Variants in KIRREL3 observed in about 807,000 individuals in gnomAD.
KIRREL3 encodes the protein kirre like nephrin family adhesion molecule 3.
Under a neutral mutation model 89.7 loss-of-function variants are expected in KIRREL3, and 36 were observed. That is an observed-to-expected ratio of 0.40 (90% CI 0.31 to 0.53). The LOEUF is 0.53. KIRREL3 is among the 20% of genes least tolerant of loss of function. The pLI is 0.49. For synonymous variants in KIRREL3, 445 were observed against 441.4 expected, an observed-to-expected ratio of 1.01 and a Z score of -0.10; for missense variants, 864 against 1,056.6, an observed-to-expected ratio of 0.82 and a Z score of 2.53.
At position 126,463,364 on chromosome 11, in the gene KIRREL3, GC is replaced by G. The variant is rs1243319827; in HGVS notation, c.592-58del. 7 of 1,562,490 alleles carry G rather than the reference GC, an allele frequency of 4.5e-6. No homozygotes were observed. In the African/African-American group the frequency reaches 8.1e-5, roughly 18 times the overall value. On this transcript the variant is annotated intron_variant, in intron 5 of 16. Coordinates refer to ENST00000525144, the MANE Select transcript of KIRREL3 (RefSeq NM_032531.4). This position sits in a 1 kb window ranked among gnomAD's most constrained non-coding sequence, Gnocchi z 5.9. ...CCATGTCGCTTGGCTGGGGTGGCCAGCCTGGGTTGGGGGTAAACGAGCACCA... is the reference window on the plus strand; with the variant it reads ...CCATGTCGCTTGGCTGGGGTGGCCAGCTGGGTTGGGGGTAAACGAGCACCA...
At position 126,812,235 on chromosome 11, in the gene KIRREL3, C is replaced by T. The variant is rs1036745754; in HGVS notation, c.55+188220G>A. Among the ~76,000 whole-genome samples, 1 of 151,962 alleles carries T rather than the reference C, an allele frequency of 6.6e-6. No homozygotes were observed. The highest frequency in any genetic ancestry group is 2.4e-5 in the African/African-American group (1 of 41,352). ...TTTCCTTACTTTGGAACTTTGGGGTCCTTAGGATAGCGCTGTGTATATGGC... is the reference window on the plus strand; with the variant it reads ...TTTCCTTACTTTGGAACTTTGGGGTTCTTAGGATAGCGCTGTGTATATGGC... On this transcript the variant is annotated intron_variant, in intron 1 of 16. Transcript: ENST00000525144. This position sits in a 1 kb window ranked among gnomAD's most constrained non-coding sequence, Gnocchi z 5.2.
Position 126,526,394 on chromosome 11 carries a change from C to G in KIRREL3, c.283+144G>C. The G allele has an allele frequency of 1.2e-6, 1 of 802,832 alleles. No individual in the cohort carries two copies. Among genetic ancestry groups the G allele is most frequent in the South Asian group, 1.8e-5 (1 of 54,466 alleles). The allele number at this position is 802,832 out of a possible 1,614,324, so 49.7% of individuals were successfully genotyped here. ...GATGCTGGGTGCAGTGCTTGCCTAG[C>G]CTGACTCTGCCTGAGGAGTTGCAGT... is the stretch of plus-strand genomic sequence containing the variant. On this transcript the variant is annotated intron_variant, in intron 3 of 16. Coordinates refer to ENST00000525144, the MANE Select transcript of KIRREL3 (RefSeq NM_032531.4). The surrounding 1 kb of genome is among the most constrained non-coding windows in gnomAD (Gnocchi z 5.7).
Position 126,424,675 on chromosome 11 carries a change from T to C in KIRREL3, c.2242A>G (p.Lys748Glu). 6.2e-7 allele frequency: 1 copy of C among 1,614,018 alleles called. No homozygotes were observed. The highest frequency in any genetic ancestry group is 8.5e-7 in the Non-Finnish European group (1 of 1,179,890). Residue 748 changes from lysine to glutamate, a missense_variant, in exon 17 of 17, where the codon AAG becomes GAG. Coordinates refer to ENST00000525144, the MANE Select transcript of KIRREL3 (RefSeq NM_032531.4). ...TGGTGGGAGGAGGAAGCAGAAGCCT[T>C]GCTGGCCTTGTCGAACTGCACATAG... The part of the protein sequence containing the change: ...DGYVQFDKAS[K>E]ASASSSHHSQ...
At chr11:126,888,479 C>A (rs1194909774) in intron 1 of KIRREL3, among the ~76,000 whole-genome samples, 1 of 152,172 alleles carries the variant, frequency 6.6e-6, no homozygotes, top group African/African-American at 2.4e-5. Flanking sequence ...GTCTTGATCA[C>A]CACCCCACAC....
rs1041281846 is a variant in KIRREL3 at position 126,676,500 on chromosome 11, A to C, written c.56-113588T>G. ...CAGTGTTTCTCAAATTTGCACCTGCAGATGTTGTATTGTTTTGTTTTGTTT... is the reference window on the plus strand; with the variant it reads ...CAGTGTTTCTCAAATTTGCACCTGCCGATGTTGTATTGTTTTGTTTTGTTT... On this transcript the variant is annotated intron_variant, in intron 1 of 16. Transcript: ENST00000525144. This position sits in a 1 kb window ranked among gnomAD's most constrained non-coding sequence, Gnocchi z 4.5. Among the ~76,000 whole-genome samples the C allele has an allele frequency of 1.3e-5, 2 of 152,106 alleles. No individual in the cohort carries two copies. The highest frequency in any genetic ancestry group is 4.8e-5 in the African/African-American group (2 of 41,436).
At chr11:126,505,868 C>T (rs539513974) in intron 4 of KIRREL3, among the ~76,000 whole-genome samples, 1 of 152,284 alleles carries the variant, frequency 6.6e-6, no homozygotes, top group Admixed American at 6.5e-5. Flanking sequence ...GTTAAGGTGG[C>T]AATTAATTCT....
intron 6 of KIRREL3, 39 bp from the exon 7 acceptor site, chr11:126,456,493 A>G (rs1462531998): frequency 7.4e-7 from 1 of 1,354,312 alleles, no homozygotes; most frequent in African/African-American, 1.4e-5. Flanking sequence ...CCGGAGAAAG[A>G]ATGGGGGCAG....
intron 1 of KIRREL3, among the ~76,000 whole-genome samples, chr11:126,644,233 G>A (rs1944578291): frequency 1.3e-5 from 2 of 152,196 alleles, no homozygotes; most frequent in Non-Finnish European, 2.9e-5. Context: ...GTAGGCAGAA[G>A]GACGAAAAGC....
Position 126,635,703 on chromosome 11 carries a change from G to A in KIRREL3, c.56-72791C>T, listed in dbSNP as rs557810261. 3.2e-4 allele frequency among the ~76,000 whole-genome samples: 48 copies of A among 152,282 alleles called. No homozygotes were observed. Among genetic ancestry groups the A allele is most frequent in the Non-Finnish European group, 5.3e-4 (36 of 68,028 alleles). On this transcript the variant is annotated intron_variant, in intron 1 of 16. Coordinates refer to ENST00000525144, the MANE Select transcript of KIRREL3 (RefSeq NM_032531.4). This position sits in a 1 kb window ranked among gnomAD's most constrained non-coding sequence, Gnocchi z 4.0. ...ATCTGCTCACGTCATCAAAGCTCTTGAGGCCTCAGCTTCCTTATCTGTAAA... is the reference window on the plus strand; with the variant it reads ...ATCTGCTCACGTCATCAAAGCTCTTAAGGCCTCAGCTTCCTTATCTGTAAA...
At chr11:126,762,868 G>A (rs758768597) in intron 1 of KIRREL3, among the ~76,000 whole-genome samples, 17 of 152,178 alleles carry the variant, frequency 1.1e-4, no homozygotes, top group Non-Finnish European at 1.9e-4. Flanking sequence ...GTGGGGTCTC[G>A]AGCAAAACTC....
chr11:126,712,924 C>A (rs1178479578), intron 1 of KIRREL3, among the ~76,000 whole-genome samples: 1 of 152,172 alleles, frequency 6.6e-6, no homozygotes, highest in Non-Finnish European at 1.5e-5. Context: ...GCCTTCGAAG[C>A]TCTGGCGTGG....
At position 126,541,954 on chromosome 11, in the gene KIRREL3, G is replaced by A. The variant is rs936424899; in HGVS notation, c.134-15267C>T. On this transcript the variant is annotated intron_variant, in intron 2 of 16. Coordinates refer to ENST00000525144, the MANE Select transcript of KIRREL3 (RefSeq NM_032531.4). This position sits in a 1 kb window ranked among gnomAD's most constrained non-coding sequence, Gnocchi z 4.8. ...CACAGGGAATCCCAGTGTATAAAAC[G>A]GTGGAGGCAGAGCTGAGGCAGCGCG... Among the ~76,000 whole-genome samples, 2 of 152,194 alleles carry A rather than the reference G, an allele frequency of 1.3e-5. No homozygotes were observed. Among genetic ancestry groups the A allele is most frequent in the South Asian group, 2.1e-4 (1 of 4,816 alleles).
At chr11:126,792,568 C>T (rs1157238000) in intron 1 of KIRREL3, among the ~76,000 whole-genome samples, 1 of 152,064 alleles carries the variant, frequency 6.6e-6, no homozygotes, top group Non-Finnish European at 1.5e-5. Flanking sequence ...CTATTGCCTC[C>T]GTCAGAAAAC....
rs1276906688 is a variant in KIRREL3, at chr11:126,664,444, C to T, written c.56-101532G>A. ...TCCAGTGTTGAGAAGCACCTCCTTCCTCCCACCTGCCTACTCTAAATGAAA... is the reference window on the plus strand; with the variant it reads ...TCCAGTGTTGAGAAGCACCTCCTTCTTCCCACCTGCCTACTCTAAATGAAA... On this transcript the variant is annotated intron_variant, in intron 1 of 16. Coordinates refer to ENST00000525144, the MANE Select transcript of KIRREL3 (RefSeq NM_032531.4). This position sits in a 1 kb window ranked among gnomAD's most constrained non-coding sequence, Gnocchi z 5.4. Among the ~76,000 whole-genome samples the T allele has an allele frequency of 6.6e-6, 1 of 152,162 alleles. No individual in the cohort carries two copies. The highest frequency in any genetic ancestry group is 1.5e-5 in the Non-Finnish European group (1 of 68,034).
intron 1 of KIRREL3, among the ~76,000 whole-genome samples, chr11:126,675,182 C>A (rs1048913368): frequency 6.6e-6 from 1 of 152,192 alleles, no homozygotes; most frequent in East Asian, 1.9e-4. Flanking sequence ...GGCATTGGAG[C>A]CTTTACATGC....
intron 1 of KIRREL3, among the ~76,000 whole-genome samples, chr11:126,910,763 C>G (rs1445901166): frequency 6.6e-6 from 1 of 152,202 alleles, no homozygotes; most frequent in African/African-American, 2.4e-5. Context: ...AGATGTCCCT[C>G]TTTATTCTGA....
chr11:126,967,737 G>A (rs924049990), intron 1 of KIRREL3, among the ~76,000 whole-genome samples: 31 of 152,210 alleles, frequency 2.0e-4, no homozygotes, highest in African/African-American at 7.2e-4. Flanking sequence ...GTGGTTCTCA[G>A]GTGGGGGCGA....
intron 1 of KIRREL3, among the ~76,000 whole-genome samples, chr11:126,753,457 GA>G (rs1434687338): frequency 1.3e-5 from 2 of 152,156 alleles, no homozygotes; most frequent in East Asian, 3.8e-4. Context: ...TATCACAATT[GA>G]AAAAGAGGCT....
intron 1 of KIRREL3, among the ~76,000 whole-genome samples, chr11:126,925,649 G>A (rs1947683328): frequency 6.6e-6 from 1 of 152,170 alleles, no homozygotes; most frequent in African/African-American, 2.4e-5. Flanking sequence ...CTGGGTCTAT[G>A]ACTGCCAGCA....
Sources: allele counts gnomAD v4.1 joint callset (sites outside exome capture counted in the v4.1 genomes callset), GRCh38; gene constraint gnomAD v4.1.1; non-coding constraint Gnocchi (gnomAD v3.1); transcripts MANE v1.5; gene names NCBI Gene and HGNC (gene_info 2026-07-23, HGNC 2026-07-21).